The following KDM4C variants were observed in gnomAD, a reference collection of about 807,000 sequenced individuals.
KDM4C encodes the protein lysine-specific demethylase 4C.
Under a neutral mutation model 129.3 loss-of-function variants are expected in KDM4C, and 81 were observed. The ratio of observed to expected loss-of-function variants is 0.63; its 90% CI spans 0.52 to 0.75. KDM4C has a LOEUF of 0.75. Among genes scored for constraint, KDM4C ranks in the 30% least tolerant of loss-of-function variants. KDM4C has a pLI of 0.00. For synonymous variants in KDM4C, 573 were observed against 456.1 expected, an observed-to-expected ratio of 1.26 and a Z score of -3.26; for missense variants, 1,457 against 1,304.0, an observed-to-expected ratio of 1.12 and a Z score of -1.81.
At chr9:6,763,979 G>C (rs1001986028) in intron 1 of KDM4C, among the ~76,000 whole-genome samples, 1 of 152,138 alleles carries the variant, frequency 6.6e-6, no homozygotes, top group African/African-American at 2.4e-5. Flanking sequence ...GGCTGGTCTC[G>C]AACTCCCAAC....
chr9:6,921,857 G>A (rs1344306684), intron 8 of KDM4C, among the ~76,000 whole-genome samples: 1 of 151,968 alleles, frequency 6.6e-6, no homozygotes, highest in Non-Finnish European at 1.5e-5. Context: ...ACACAGTAAG[G>A]CACATTAATG....
At position 7,083,986 on chromosome 9, in the gene KDM4C, C is replaced by G. The variant is rs549192424; in HGVS notation, c.2425-19699C>G. Reference sequence around the variant, plus strand: ...TTATAGTGTGCAGGGCAGAGTTACTCAAATTATCATCTTTGGATCCTTGTA... The same window carrying G: ...TTATAGTGTGCAGGGCAGAGTTACTGAAATTATCATCTTTGGATCCTTGTA... On this transcript the variant is annotated intron_variant, in intron 17 of 21. Transcript: ENST00000381309. Among the ~76,000 whole-genome samples, 701 of 152,234 alleles carry G rather than the reference C, an allele frequency of 4.6e-3. 3 individuals are homozygous for G. The highest frequency in any genetic ancestry group is 8.8e-3 in the Admixed American group (135 of 15,296).
intron 8 of KDM4C, among the ~76,000 whole-genome samples, chr9:6,946,199 T>A (rs1378930279): frequency 6.6e-6 from 1 of 152,144 alleles, no homozygotes; most frequent in East Asian, 1.9e-4. Flanking sequence ...CAATCTATAT[T>A]TAAAGAAATT....
chr9:6,832,370 G>T (rs188024390), intron 4 of KDM4C, among the ~76,000 whole-genome samples: 35 of 150,200 alleles, frequency 2.3e-4, no homozygotes, highest in African/African-American at 8.5e-4. Context: ...TTGTCAAGGG[G>T]CTTAATAGTC....
intron 1 of KDM4C, among the ~76,000 whole-genome samples, chr9:6,767,443 CT>C (rs569257093): frequency 2.0e-5 from 3 of 150,138 alleles, no homozygotes; most frequent in Admixed American, 6.7e-5. Flanking sequence ...GCACGGCCCC[CT>C]TTTTTTTTGA....
In KDM4C at chr9:6,965,942, G is replaced by T. The variant is rs572444868; in HGVS notation, c.922-14983G>T. On this transcript the variant is annotated intron_variant, in intron 8 of 21. Coordinates refer to ENST00000381309, the MANE Select transcript of KDM4C (RefSeq NM_015061.6). ...TAAAATTAACCATCACAATAAGTTT[G>T]GTTTAACATTTAAAAGTCTATCAGT... 1.8e-4 allele frequency among the ~76,000 whole-genome samples: 28 copies of T among 152,202 alleles called. 1 individual carries two copies. In the East Asian group the frequency reaches 4.8e-3, roughly 26 times the overall value.
intron 15 of KDM4C, among the ~76,000 whole-genome samples, chr9:7,036,008 C>G (rs1827581510): frequency 1.3e-5 from 2 of 152,042 alleles, no homozygotes; most frequent in Admixed American, 6.6e-5. Context: ...TTATTTTTTT[C>G]TGTTTCTGTG....
At chr9:6,902,809 A>C (rs1817631301) in intron 8 of KDM4C, 1 of 152,126 alleles carries the variant, frequency 6.6e-6, no homozygotes, top group African/African-American at 2.4e-5. Context: ...CTGACTTCTC[A>C]CTCGCATTCA....
chr9:7,067,610 T>A (rs1448224186), intron 17 of KDM4C, among the ~76,000 whole-genome samples: 1 of 152,224 alleles, frequency 6.6e-6, no homozygotes, highest in Non-Finnish European at 1.5e-5. Context: ...ATATAGATCA[T>A]GTTAAGACTC....
intron 4 of KDM4C, 171 bp downstream of exon 4, chr9:6,814,916 A>G: frequency 2.3e-6 from 1 of 427,710 alleles, no homozygotes; most frequent in East Asian, 3.5e-5. Flanking sequence ...TATTTTTCAA[A>G]CTGAAGCTAG....
intron 12 of KDM4C, among the ~76,000 whole-genome samples, chr9:6,995,557 C>A (rs1819535265): frequency 6.6e-6 from 1 of 152,120 alleles, no homozygotes; most frequent in South Asian, 2.1e-4. Flanking sequence ...ATAATGCCTC[C>A]AATATAAGGT....
At chr9:6,786,872 C>T (rs1288608363) in intron 1 of KDM4C, among the ~76,000 whole-genome samples, 1 of 151,922 alleles carries the variant, frequency 6.6e-6, no homozygotes, top group Admixed American at 6.6e-5. Flanking sequence ...CACTAAGAAT[C>T]AAATAAATGA....
At position 6,964,697 on chromosome 9, in the gene KDM4C, G is replaced by C. The variant is rs557316853; in HGVS notation, c.922-16228G>C. Among the ~76,000 whole-genome samples, 39 of 149,022 alleles carry C rather than the reference G, an allele frequency of 2.6e-4. No individual in the cohort carries two copies. In the South Asian group the frequency reaches 8.5e-3, roughly 32 times the overall value. On this transcript the variant is annotated intron_variant, in intron 8 of 21. Transcript: ENST00000381309. ...CTCGTGAGGCTGAGGCAGGAGAATG[G>C]CGTGAACCCGGGAGGTGGAGCTTGC...
intron 17 of KDM4C, among the ~76,000 whole-genome samples, chr9:7,072,361 T>C (rs1343320267): frequency 6.6e-6 from 1 of 152,152 alleles, no homozygotes; most frequent in Non-Finnish European, 1.5e-5. Flanking sequence ...ACCCAAAAAA[T>C]GGAAGCAACT....
At chr9:7,145,240 T>G (rs1418416709) in intron 19 of KDM4C, among the ~76,000 whole-genome samples, 6 of 152,212 alleles carry the variant, frequency 3.9e-5, no homozygotes, top group Non-Finnish European at 1.5e-5. Context: ...ATTTTTTTCC[T>G]GCCATCCTTT....
chr9:7,048,416 C>T (rs1829710532), intron 16 of KDM4C, among the ~76,000 whole-genome samples: 1 of 152,094 alleles, frequency 6.6e-6, no homozygotes. Flanking sequence ...CTTCAAACCT[C>T]ATGATTCTTT....
intron 3 of KDM4C, 98 bp downstream of exon 3, chr9:6,805,872 G>A: frequency 9.0e-7 from 1 of 1,114,130 alleles, no homozygotes; most frequent in Non-Finnish European, 1.2e-6. Flanking sequence ...TGAAAAGCAG[G>A]AGTCTCCCAT....
intron 8 of KDM4C, among the ~76,000 whole-genome samples, chr9:6,905,396 G>C (rs1233636308): frequency 1.3e-5 from 2 of 152,128 alleles, no homozygotes; most frequent in Non-Finnish European, 2.9e-5. Flanking sequence ...GAAATGTCTA[G>C]ATTGCCTTAC....
At chr9:7,051,082 T>G (rs1385658483) in intron 17 of KDM4C, among the ~76,000 whole-genome samples, 1 of 152,188 alleles carries the variant, frequency 6.6e-6, no homozygotes, top group Non-Finnish European at 1.5e-5. Context: ...TAAACTGAGA[T>G]CTGTGAAATA....
Sources: allele counts gnomAD v4.1 joint callset (sites outside exome capture counted in the v4.1 genomes callset), GRCh38; gene constraint gnomAD v4.1.1; transcripts MANE v1.5; gene names NCBI Gene and HGNC (gene_info 2026-07-23, HGNC 2026-07-21).